The following ZNF804B variants were observed in gnomAD, a reference collection of about 807,000 sequenced individuals.
ZNF804B encodes zinc finger 804B.
Under a neutral mutation model 101.4 loss-of-function variants are expected in ZNF804B, and 80 were observed. The observed-to-expected ratio is 0.79, with a 90% confidence interval of 0.66 to 0.95. The LOEUF is 0.95. Ranked by LOEUF, ZNF804B falls within the 40% of genes least tolerant of loss-of-function variation. ZNF804B has a pLI of 0.00. For missense variants in ZNF804B, 1,673 were observed against 1,561.9 expected (o/e 1.07, Z -1.20); for synonymous variants, 622 against 558.8 (o/e 1.11, Z -1.59).
At chr7:89,026,952 C>A (rs1788761339) in intron 1 of ZNF804B, among the ~76,000 whole-genome samples, 1 of 152,052 alleles carries the variant, frequency 6.6e-6, no homozygotes, top group Non-Finnish European at 1.5e-5. Context: ...AAGTGGATAA[C>A]AATATCCAAG....
chr7:89,315,908 A>G (rs1790719718), intron 2 of ZNF804B, among the ~76,000 whole-genome samples: 1 of 152,168 alleles, frequency 6.6e-6, no homozygotes, highest in African/African-American at 2.4e-5. Flanking sequence ...TCTTGTGAAA[A>G]CACTAAAATT....
At chr7:88,991,842 A>G (rs1222901961) in intron 1 of ZNF804B, among the ~76,000 whole-genome samples, 1 of 152,172 alleles carries the variant, frequency 6.6e-6, no homozygotes, top group Admixed American at 6.6e-5. Context: ...CATATGATAT[A>G]GCTACTACCA....
intron 2 of ZNF804B, among the ~76,000 whole-genome samples, chr7:89,308,680 C>T (rs1790603421): frequency 6.6e-6 from 1 of 152,194 alleles, no homozygotes; most frequent in Admixed American, 6.6e-5. Flanking sequence ...TCATCCTGAA[C>T]TAACAAGAAC....
intron 1 of ZNF804B, among the ~76,000 whole-genome samples, chr7:89,010,380 AAAGT>A (rs1788437503): frequency 6.6e-6 from 1 of 152,146 alleles, no homozygotes. Context: ...AGTGGGGAAA[AAAGT>A]AACCCATATT....
intron 1 of ZNF804B, among the ~76,000 whole-genome samples, chr7:88,788,215 T>C (rs1414311565): frequency 6.6e-6 from 1 of 152,004 alleles, no homozygotes; most frequent in Non-Finnish European, 1.5e-5. Context: ...TTTGGTGTAG[T>C]AGTGAAGAAA....
intron 1 of ZNF804B, among the ~76,000 whole-genome samples, chr7:88,872,977 A>G (rs1791862399): frequency 6.6e-6 from 1 of 151,938 alleles, no homozygotes; most frequent in Non-Finnish European, 1.5e-5. Context: ...TCCTTTGGGT[A>G]TATACCCAGT....
chr7:89,010,240 T>G (rs1317729842), intron 1 of ZNF804B, among the ~76,000 whole-genome samples: 2 of 152,046 alleles, frequency 1.3e-5, no homozygotes, highest in South Asian at 4.1e-4. Flanking sequence ...TAACTGACAC[T>G]CAGAGAAGTC....
intron 1 of ZNF804B, among the ~76,000 whole-genome samples, chr7:88,768,633 G>A (rs531437923): frequency 5.3e-5 from 8 of 152,274 alleles, no homozygotes; most frequent in African/African-American, 1.2e-4. Flanking sequence ...CCGGAGAATC[G>A]CTTGAAACTG....
rs1251075711 is a variant in ZNF804B, at chr7:89,334,553, A to C, written c.1571A>C (p.Gln524Pro). Residue 524 changes from glutamine to proline, a missense_variant, in exon 4 of 4, where the codon CAA becomes CCA. Transcript: ENST00000333190. ...GTCTCAGGTTTAACTGAAGACCAAC[A>C]AAAATTGATCCAAGAAGATTATCAA... Reference protein sequence around the residue: ...SQVSGLTEDQQKLIQEDYQYP... With the variant: ...SQVSGLTEDQPKLIQEDYQYP... 1.9e-6 allele frequency: 3 copies of C among 1,613,562 alleles called. No homozygotes were observed. Among genetic ancestry groups the C allele is most frequent in the Non-Finnish European group, 2.5e-6 (3 of 1,179,842 alleles).
chr7:88,905,604 C>A (rs1792458209), intron 1 of ZNF804B, among the ~76,000 whole-genome samples: 1 of 152,158 alleles, frequency 6.6e-6, no homozygotes, highest in African/African-American at 2.4e-5. Context: ...GGTGATCTCT[C>A]CGCCTTGACC....
intron 2 of ZNF804B, among the ~76,000 whole-genome samples, chr7:89,319,104 G>A (rs1288029932): frequency 1.3e-5 from 2 of 152,096 alleles, no homozygotes; most frequent in African/African-American, 4.8e-5. Context: ...CAGGCCAGGT[G>A]TTCCTTGCCC....
intron 1 of ZNF804B, among the ~76,000 whole-genome samples, chr7:88,955,848 T>TCATC (rs1303989530): frequency 4.0e-5 from 6 of 151,502 alleles, no homozygotes; most frequent in African/African-American, 1.4e-4. Context: ...CGCAAACTAC[T>TCATC]CATCCAACTA....
At chr7:89,096,699 T>C (rs1004292520) in intron 1 of ZNF804B, among the ~76,000 whole-genome samples, 1 of 152,214 alleles carries the variant, frequency 6.6e-6, no homozygotes, top group African/African-American at 2.4e-5. Flanking sequence ...CATTAGATTG[T>C]CTAACTCATT....
At chr7:88,966,314 G>A (rs1212513739) in intron 1 of ZNF804B, among the ~76,000 whole-genome samples, 1 of 151,550 alleles carries the variant, frequency 6.6e-6, no homozygotes, top group Non-Finnish European at 1.5e-5. Flanking sequence ...TGTGGAAAGA[G>A]CAGATGTAAT....
At chr7:89,138,146 G>T (rs572000160) in intron 1 of ZNF804B, among the ~76,000 whole-genome samples, 2 of 152,248 alleles carry the variant, frequency 1.3e-5, no homozygotes, top group African/African-American at 2.4e-5. Flanking sequence ...TGCTGTAGGG[G>T]CAGGGCTTTC....
chr7:88,930,639 A>C (rs1433229598), intron 1 of ZNF804B, among the ~76,000 whole-genome samples: 1 of 151,902 alleles, frequency 6.6e-6, no homozygotes, highest in African/African-American at 2.4e-5. Flanking sequence ...GAATTAAGAC[A>C]TCGTGTTTTG....
chr7:89,050,456 G>C (rs1207956936), intron 1 of ZNF804B, among the ~76,000 whole-genome samples: 3 of 152,154 alleles, frequency 2.0e-5, no homozygotes, highest in Non-Finnish European at 4.4e-5. Flanking sequence ...AATGCTTGCT[G>C]TATGGTTAGT....
intron 1 of ZNF804B, among the ~76,000 whole-genome samples, chr7:88,963,056 A>C (rs1217327522): frequency 6.6e-6 from 1 of 151,068 alleles, no homozygotes; most frequent in Non-Finnish European, 1.5e-5. Context: ...TTCCCTTTTC[A>C]TGGACTAGAA....
At position 88,875,823 on chromosome 7, in the gene ZNF804B, G is replaced by A. The variant is rs535377846; in HGVS notation, c.108+115739G>A. Among the ~76,000 whole-genome samples the A allele has an allele frequency of 9.1e-3, 1,381 of 152,168 alleles. 26 individuals carry two copies. Among genetic ancestry groups the A allele is most frequent in the African/African-American group, 0.032 (1,320 of 41,466 alleles). On this transcript the variant is annotated intron_variant, in intron 1 of 3. Coordinates refer to ENST00000333190, the MANE Select transcript of ZNF804B (RefSeq NM_181646.5). ...TAACTCATTTTATGAGGCCAGCATC[G>A]TCCTGATACTAAAGCTGGGCAGAGA...
Sources: allele counts gnomAD v4.1 joint callset (sites outside exome capture counted in the v4.1 genomes callset), GRCh38; gene constraint gnomAD v4.1.1; transcripts MANE v1.5; gene names NCBI Gene and HGNC (gene_info 2026-07-23, HGNC 2026-07-21).